Variants in EFL1 observed in about 807,000 individuals in gnomAD.
The protein encoded by EFL1 is elongation factor like GTPase 1, also known as elongation factor-like GTPase 1.
Under a neutral mutation model 126.7 loss-of-function variants are expected in EFL1, and 76 were observed. The ratio of observed to expected loss-of-function variants is 0.60; its 90% confidence interval spans 0.50 to 0.73. The LOEUF (loss-of-function observed/expected upper bound fraction) is 0.73, where lower values mean the gene tolerates loss of function less well. Ranked by LOEUF, EFL1 falls within the 30% of genes least tolerant of loss-of-function variation. The pLI, the probability that EFL1 is intolerant of heterozygous loss-of-function variation, is 0.00. For synonymous variants in EFL1, 410 were observed against 448.4 expected (o/e 0.91, Z 1.08); for missense variants, 1,128 against 1,343.2 (o/e 0.84, Z 2.50).
intron 15 of EFL1, among the ~76,000 whole-genome samples, chr15:82,180,744 TTTTC>T (rs969011167): frequency 2.0e-4 from 31 of 151,928 alleles, no homozygotes; most frequent in Non-Finnish European, 4.1e-4. Flanking sequence ...TACGGGTAAT[TTTTC>T]TTTCTTTTTT....
intron 15 of EFL1, among the ~76,000 whole-genome samples, chr15:82,203,795 TATA>T (rs2074496615): frequency 6.6e-6 from 1 of 152,242 alleles, no homozygotes; most frequent in Non-Finnish European, 1.5e-5. Flanking sequence ...TTCACGAATG[TATA>T]ATATTCCATT....
chr15:82,220,497 C>CAGAT (rs2074700674), intron 12 of EFL1, among the ~76,000 whole-genome samples: 1 of 152,184 alleles, frequency 6.6e-6, no homozygotes, highest in Admixed American at 6.5e-5. Flanking sequence ...GAACCTTTCT[C>CAGAT]AGATACCTAT....
At chr15:82,196,951 C>CG (rs2074414312) in intron 15 of EFL1, among the ~76,000 whole-genome samples, 1 of 151,188 alleles carries the variant, frequency 6.6e-6, no homozygotes, top group Non-Finnish European at 1.5e-5. Context: ...AGAATCGTTT[C>CG]AACCCAGGAG....
intron 15 of EFL1, among the ~76,000 whole-genome samples, chr15:82,186,685 T>C (rs909068665): frequency 6.6e-6 from 1 of 152,246 alleles, no homozygotes; most frequent in Admixed American, 6.5e-5. Context: ...AGCAATCTGC[T>C]CTTATGAGCC....
At chr15:82,221,104 A>AAC (rs1237941403) in intron 12 of EFL1, among the ~76,000 whole-genome samples, 1 of 152,142 alleles carries the variant, frequency 6.6e-6, no homozygotes, top group Non-Finnish European at 1.5e-5. Flanking sequence ...CTGGGAAGTG[A>AAC]ACATCAAAGC....
intron 14 of EFL1, among the ~76,000 whole-genome samples, chr15:82,219,015 T>G (rs1403794527): frequency 6.6e-6 from 1 of 152,220 alleles, no homozygotes; most frequent in Non-Finnish European, 1.5e-5. Context: ...TACTGCTTTG[T>G]GCTGATCCAG....
intron 15 of EFL1, among the ~76,000 whole-genome samples, chr15:82,199,679 GTATGCATGTAT>G (rs2074446729): frequency 1.3e-5 from 2 of 152,124 alleles, no homozygotes; most frequent in African/African-American, 2.4e-5. Context: ...TTCTTACTAT[GTATGCATGTAT>G]TATGCATAGA....
chr15:82,198,345 C>G (rs914448957), intron 15 of EFL1, among the ~76,000 whole-genome samples: 1 of 152,196 alleles, frequency 6.6e-6, no homozygotes, highest in Admixed American at 6.5e-5. Context: ...AGTGCCAATG[C>G]TTCTGAGCTC....
intron 19 of EFL1, among the ~76,000 whole-genome samples, chr15:82,136,030 TTTA>T (rs1448812651): frequency 6.6e-6 from 1 of 152,118 alleles, no homozygotes; most frequent in Non-Finnish European, 1.5e-5. Flanking sequence ...TTGGGATCCC[TTTA>T]TTAGAGCAGT....
At chr15:82,252,030 A>G (rs2075026766) in intron 4 of EFL1, among the ~76,000 whole-genome samples, 1 of 152,194 alleles carries the variant, frequency 6.6e-6, no homozygotes, top group East Asian at 1.9e-4. Flanking sequence ...TCTTACAAAA[A>G]TACTCTGCAA....
intron 15 of EFL1, among the ~76,000 whole-genome samples, chr15:82,175,081 G>A (rs572579315): frequency 2.6e-5 from 4 of 152,318 alleles, no homozygotes; most frequent in African/African-American, 9.6e-5. Flanking sequence ...GATGAAGACA[G>A]AAATCCCACA....
intron 4 of EFL1, among the ~76,000 whole-genome samples, chr15:82,246,685 G>A (rs1236508220): frequency 6.6e-6 from 1 of 152,090 alleles, no homozygotes; most frequent in Non-Finnish European, 1.5e-5. Context: ...CCAGAGCACA[G>A]GTTTTTGCCA....
chr15:82,202,815 T>TG, intron 15 of EFL1, among the ~76,000 whole-genome samples: 1 of 60,228 alleles, frequency 1.7e-5, no homozygotes, highest in East Asian at 3.2e-4. Context: ...TGTTCCCTAA[T>TG]TTTTTTTTTT....
chr15:82,193,864 T>C (rs1375866193), intron 15 of EFL1, among the ~76,000 whole-genome samples: 2 of 152,136 alleles, frequency 1.3e-5, no homozygotes, highest in Non-Finnish European at 2.9e-5. Context: ...CCGTGCAAAC[T>C]ATTGTTGCAT....
intron 16 of EFL1, among the ~76,000 whole-genome samples, chr15:82,161,066 T>G (rs189705409): frequency 6.6e-6 from 1 of 152,292 alleles, no homozygotes; most frequent in East Asian, 1.9e-4. Flanking sequence ...CCATGAGATT[T>G]TGACCCCCAC....
intron 4 of EFL1, among the ~76,000 whole-genome samples, chr15:82,250,164 T>C (rs1469302637): frequency 7.0e-6 from 1 of 142,536 alleles, no homozygotes; most frequent in Non-Finnish European, 1.5e-5. Flanking sequence ...AAATACCCCA[T>C]TCTGGAGAAT....
intron 14 of EFL1, among the ~76,000 whole-genome samples, chr15:82,217,880 T>G (rs1217419054): frequency 1.3e-5 from 2 of 152,170 alleles, no homozygotes; most frequent in Non-Finnish European, 2.9e-5. Context: ...CTCTCTTATA[T>G]GGCTTGATGA....
intron 1 of EFL1, 163 bp downstream of exon 1, chr15:82,262,451 C>A (rs1002303299): frequency 2.6e-5 from 5 of 188,930 alleles, no homozygotes; most frequent in African/African-American, 1.2e-4. Flanking sequence ...CAGGCGACCG[C>A]CCCGGCCCCA....
Position 82,131,594 on chromosome 15 carries a change from C to T in EFL1, c.3175-1033G>A, listed in dbSNP as rs144052624. Among the ~76,000 whole-genome samples the T allele has an allele frequency of 6.9e-3, 1,047 of 152,056 alleles. 13 individuals are homozygous for T. Among genetic ancestry groups the T allele is most frequent in the African/African-American group, 0.024 (987 of 41,476 alleles). On this transcript the variant is annotated intron_variant, in intron 19 of 19. Coordinates refer to ENST00000268206, the MANE Select transcript of EFL1 (RefSeq NM_024580.6). ...TCATCTGAGGTCAGGAGTTTGAGACCAGCCTGACCAACATGGAGAAACCCT... is the reference window on the plus strand; with the variant it reads ...TCATCTGAGGTCAGGAGTTTGAGACTAGCCTGACCAACATGGAGAAACCCT...
Sources: allele counts gnomAD v4.1 joint callset (sites outside exome capture counted in the v4.1 genomes callset), GRCh38; gene constraint gnomAD v4.1.1; transcripts MANE v1.5; gene names NCBI Gene and HGNC (gene_info 2026-07-23, HGNC 2026-07-21).